COMMD1: variants seen among roughly 807,000 people sequenced by gnomAD.
The protein encoded by COMMD1 is COMM domain-containing protein 1.
Under a neutral mutation model 17.2 loss-of-function variants are expected in COMMD1, and 10 were observed. The ratio of observed to expected loss-of-function variants is 0.58; its 90% CI spans 0.36 to 0.99. COMMD1 has a LOEUF of 0.99. Among genes scored for constraint, COMMD1 ranks in the 50% least tolerant of loss-of-function variants. The probability of loss-of-function intolerance (pLI) is 0.01; values close to 1 mark genes in which losing one functional copy is unlikely to be tolerated. For synonymous variants in COMMD1, 97 were observed against 91.6 expected, an observed-to-expected ratio of 1.06 and a Z score of -0.34; for missense variants, 270 against 231.8, an observed-to-expected ratio of 1.17 and a Z score of -1.07.
intron 2 of COMMD1, among the ~76,000 whole-genome samples, chr2:62,034,296 G>A (rs770329001): frequency 1.8e-4 from 28 of 151,846 alleles, no homozygotes; most frequent in Non-Finnish European, 3.4e-4. Flanking sequence ...GAGGTCAGAC[G>A]TTCGAGATCA....
chr2:61,977,875 G>A (rs907499928), intron 1 of COMMD1, among the ~76,000 whole-genome samples: 4 of 151,614 alleles, frequency 2.6e-5, no homozygotes, highest in Admixed American at 2.6e-4. Flanking sequence ...TGTAATCCCG[G>A]CTACTAAGGA....
At chr2:61,912,178 TTTATTA>T (rs1669921826) in intron 1 of COMMD1, among the ~76,000 whole-genome samples, 1 of 152,170 alleles carries the variant, frequency 6.6e-6, no homozygotes, top group South Asian at 2.1e-4. Flanking sequence ...AGGGCAGGAC[TTTATTA>T]TTATTATTGT....
At position 62,039,406 on chromosome 2, in the gene COMMD1, T is replaced by C. The variant is rs532151765; in HGVS notation, c.462+38424T>C. Among the ~76,000 whole-genome samples the C allele has an allele frequency of 3.3e-5, 5 of 152,372 alleles. No individual in the cohort carries two copies. In the South Asian group the frequency reaches 1.0e-3, roughly 32 times the overall value. The stretch of plus-strand genomic sequence containing the variant: ...CTCTTCCCTTTTACCTGATGGAATA[T>C]CACTATGGCCTTTCTTTGAGGAGTT... On this transcript the variant is annotated intron_variant, in intron 2 of 2. Transcript: ENST00000311832.
At chr2:61,892,654 A>G (rs1572936383) in intron 1 of COMMD1, among the ~76,000 whole-genome samples, 1 of 148,388 alleles carries the variant, frequency 6.7e-6, no homozygotes, top group Non-Finnish European at 1.5e-5. Context: ...AGATCGTGCC[A>G]TTTCACTCCA....
chr2:62,054,898 A>G (rs1354964374), intron 2 of COMMD1, among the ~76,000 whole-genome samples: 2 of 152,178 alleles, frequency 1.3e-5, no homozygotes, highest in African/African-American at 4.8e-5. Context: ...AGGAGCACAA[A>G]CCCTATTGTG....
chr2:62,091,365 C>G (rs189741316), intron 2 of COMMD1, among the ~76,000 whole-genome samples: 1 of 152,190 alleles, frequency 6.6e-6, no homozygotes, highest in Non-Finnish European at 1.5e-5. Flanking sequence ...TATGCCTAAC[C>G]CAGCTCCAAC....
At chr2:62,049,301 G>A (rs72891777) in intron 2 of COMMD1, among the ~76,000 whole-genome samples, 1,971 of 152,014 alleles carry the variant, frequency 0.013, 40 homozygotes, top group African/African-American at 0.044. Flanking sequence ...GCTCTTAGAT[G>A]TCTCTTTTTG....
intron 1 of COMMD1, among the ~76,000 whole-genome samples, chr2:61,891,901 G>A (rs1343571180): frequency 6.6e-6 from 1 of 150,818 alleles, no homozygotes; most frequent in Non-Finnish European, 1.5e-5. Context: ...GCACAATCTC[G>A]GCTCACTGCA....
intron 2 of COMMD1, among the ~76,000 whole-genome samples, chr2:62,020,760 G>A (rs936944030): frequency 6.6e-6 from 1 of 152,190 alleles, no homozygotes; most frequent in African/African-American, 2.4e-5. Flanking sequence ...AGCACTTTGG[G>A]AGGCTGAGGT....
At chr2:62,042,963 A>G (rs578021277) in intron 2 of COMMD1, among the ~76,000 whole-genome samples, 1 of 152,088 alleles carries the variant, frequency 6.6e-6, no homozygotes, top group Non-Finnish European at 1.5e-5. Flanking sequence ...CTTCAAACCT[A>G]TTTTTTCTGT....
At chr2:61,914,860 T>G (rs1417514734) in intron 1 of COMMD1, among the ~76,000 whole-genome samples, 3 of 151,250 alleles carry the variant, frequency 2.0e-5, no homozygotes, top group Non-Finnish European at 4.4e-5. Context: ...CTGGCTAAAT[T>G]TTGTGCTTTT....
intron 2 of COMMD1, among the ~76,000 whole-genome samples, chr2:62,046,156 T>C (rs139068166): frequency 6.6e-6 from 1 of 152,354 alleles, no homozygotes; most frequent in African/African-American, 2.4e-5. Flanking sequence ...CTTACTGTCA[T>C]AATTTTGCAA....
At position 61,994,048 on chromosome 2, in the gene COMMD1, G is replaced by T. The variant is rs193163660; in HGVS notation, c.181-6653G>T. Among the ~76,000 whole-genome samples, 706 of 151,970 alleles carry T rather than the reference G, an allele frequency of 4.6e-3. 2 individuals are homozygous for T. The highest frequency in any genetic ancestry group is 0.031 in the Middle Eastern group (9 of 294). ...GTCACCCAGGCTGAAGTGCAGTGGC[G>T]CAATCTTGGCTCACTGCAACCTTCG... On this transcript the variant is annotated intron_variant, in intron 1 of 2. Coordinates refer to ENST00000311832, the MANE Select transcript of COMMD1 (RefSeq NM_152516.4).
At chr2:61,968,452 C>A (rs951114124) in intron 1 of COMMD1, among the ~76,000 whole-genome samples, 2 of 152,012 alleles carry the variant, frequency 1.3e-5, no homozygotes, top group African/African-American at 4.8e-5. Context: ...ATTAATTGTA[C>A]AGTAAATCAC....
rs1322529959 is a variant in COMMD1, at chr2:61,999,742, CA to C, written c.181-951del. ...CCACACCTGGCTTGTTTTATTACTT[CA>C]AAAAAAATTTCATTTTATCTCCCCG... is the stretch of plus-strand genomic sequence containing the variant. On this transcript the variant is annotated intron_variant, in intron 1 of 2. Coordinates refer to ENST00000311832, the MANE Select transcript of COMMD1 (RefSeq NM_152516.4). 9.3e-5 allele frequency among the ~76,000 whole-genome samples: 14 copies of C among 149,840 alleles called. No homozygotes were observed. In the East Asian group the frequency reaches 2.2e-3, roughly 23 times the overall value.
chr2:61,939,682 G>C (rs1670691345), intron 1 of COMMD1, among the ~76,000 whole-genome samples: 1 of 152,040 alleles, frequency 6.6e-6, no homozygotes, highest in Non-Finnish European at 1.5e-5. Context: ...AACTCAGAAA[G>C]GTAAATTTGC....
Position 61,981,823 on chromosome 2 carries a change from C to T in COMMD1, c.181-18878C>T, listed in dbSNP as rs570448085. Reference sequence around the variant, plus strand: ...CAATTACCTGCCACTGGGTCCCTCCCACAACCCATGGGAATTCAAGATGAG... The same window carrying T: ...CAATTACCTGCCACTGGGTCCCTCCTACAACCCATGGGAATTCAAGATGAG... On this transcript the variant is annotated intron_variant, in intron 1 of 2. Coordinates refer to ENST00000311832, the MANE Select transcript of COMMD1 (RefSeq NM_152516.4). Among the ~76,000 whole-genome samples, 287 of 152,268 alleles carry T rather than the reference C, an allele frequency of 1.9e-3. 1 individual carries two copies. The highest frequency in any genetic ancestry group is 6.5e-3 in the African/African-American group (269 of 41,546).
chr2:62,114,159 T>C (rs1390572331), intron 2 of COMMD1, among the ~76,000 whole-genome samples: 1 of 152,214 alleles, frequency 6.6e-6, no homozygotes, highest in Non-Finnish European at 1.5e-5. Flanking sequence ...AGTAGTAACA[T>C]AGAAAACCCC....
chr2:62,107,389 T>C (rs1488261024), intron 2 of COMMD1, among the ~76,000 whole-genome samples: 2 of 151,758 alleles, frequency 1.3e-5, no homozygotes, highest in Non-Finnish European at 3.0e-5. Context: ...GAAACAAAAA[T>C]GACTCTGAGG....
Sources: allele counts gnomAD v4.1 joint callset (sites outside exome capture counted in the v4.1 genomes callset), GRCh38; gene constraint gnomAD v4.1.1; transcripts MANE v1.5; gene names NCBI Gene and HGNC (gene_info 2026-07-23, HGNC 2026-07-21).